The following CELF2 variants were observed in gnomAD, a reference collection of about 807,000 sequenced individuals.
CELF2 encodes the protein CUG triplet repeat RNA-binding protein 2.
Under a neutral mutation model 62.6 loss-of-function variants are expected in CELF2, and 8 were observed. The observed-to-expected ratio is 0.13, with a 90% CI of 0.07 to 0.23. The LOEUF is 0.23. CELF2 is among the 10% of genes least tolerant of loss of function. CELF2 has a pLI of 1.00. For synonymous variants in CELF2, 258 were observed against 250.0 expected (o/e 1.03, Z -0.30); for missense variants, 333 against 671.0 (o/e 0.50, Z 5.56).
chr10:11,323,382 G>T (rs1465825184), intron 11 of CELF2, among the ~76,000 whole-genome samples: 1 of 150,062 alleles, frequency 6.7e-6, no homozygotes, highest in African/African-American at 2.5e-5. Context: ...ATTAGTTTAA[G>T]TAAAACATAA....
chr10:10,731,319 A>C, the CELF2 span, among the ~76,000 whole-genome samples: 1 of 152,208 alleles, frequency 6.6e-6, no homozygotes, highest in South Asian at 2.1e-4. Flanking sequence ...CAATATAGAA[A>C]AACATGGCTT....
the CELF2 span, among the ~76,000 whole-genome samples, chr10:10,508,698 G>A: frequency 2.9e-5 from 1 of 34,674 alleles, no homozygotes; most frequent in Non-Finnish European, 6.8e-5. Flanking sequence ...GTGTGTGTGT[G>A]TGTGTGTATA....
Position 11,090,742 on chromosome 10 carries a change from C to T in CELF2, c.74+72579C>T, listed in dbSNP as rs189012442. On this transcript the variant is annotated intron_variant, in intron 1 of 12. Transcript: ENST00000633077. ...AAGGCTAATAATTACTGATTATTTTCTATTCTCTAGCACTGGGGTGGGACG... is the reference window on the plus strand; with the variant it reads ...AAGGCTAATAATTACTGATTATTTTTTATTCTCTAGCACTGGGGTGGGACG... 5.1e-4 allele frequency among the ~76,000 whole-genome samples: 78 copies of T among 152,256 alleles called. 1 individual carries two copies. Among genetic ancestry groups the T allele is most frequent in the Admixed American group, 4.4e-3 (67 of 15,296 alleles).
chr10:10,597,532 A>G, the CELF2 span, among the ~76,000 whole-genome samples: 1 of 152,220 alleles, frequency 6.6e-6, no homozygotes. Flanking sequence ...TGAAAAAAAA[A>G]TCAACTCTAA....
At chr10:11,097,118 CA>C (rs984367292) in intron 1 of CELF2, among the ~76,000 whole-genome samples, 1 of 152,126 alleles carries the variant, frequency 6.6e-6, no homozygotes, top group African/African-American at 2.4e-5. Context: ...GGGCAATTTC[CA>C]AATCTTTTTT....
chr10:11,326,735 G>T (rs544467963), intron 12 of CELF2, among the ~76,000 whole-genome samples: 2 of 152,312 alleles, frequency 1.3e-5, no homozygotes, highest in African/African-American at 4.8e-5. Context: ...AGGCCAGGAT[G>T]TTCAGAGTAT....
At position 11,054,999 on chromosome 10, in the gene CELF2, G is replaced by A. The variant is rs181023497; in HGVS notation, c.74+36836G>A. ...TGGAGTGCTGGGATTACAGGCTTGC[G>A]CCACCGCACCCGGCTTCTAGTGTAT... On this transcript the variant is annotated intron_variant, in intron 1 of 12. Transcript: ENST00000633077. 5.4e-3 allele frequency among the ~76,000 whole-genome samples: 819 copies of A among 152,316 alleles called. 4 individuals carry two copies. The highest frequency in any genetic ancestry group is 8.6e-3 in the Non-Finnish European group (583 of 68,018).
At chr10:11,310,786 A>G (rs1338892342) in intron 9 of CELF2, among the ~76,000 whole-genome samples, 8 of 152,040 alleles carry the variant, frequency 5.3e-5, no homozygotes, top group Non-Finnish European at 1.0e-4. Context: ...GCAGTTAGGC[A>G]GACTAGATTA....
chr10:10,737,664 C>A, the CELF2 span, among the ~76,000 whole-genome samples: 1 of 151,966 alleles, frequency 6.6e-6, no homozygotes, highest in African/African-American at 2.4e-5. Context: ...ATCATCTTGT[C>A]TCTTCCTCTT....
Position 11,012,281 on chromosome 10 carries a change from G to A in CELF2, c.53+6841G>A, listed in dbSNP as rs762730168. On this transcript the variant is annotated intron_variant, in intron 1 of 12. Coordinates refer to the CELF2 transcript ENST00000416382. This position sits in a 1 kb window ranked among gnomAD's most constrained non-coding sequence, Gnocchi z 5.5. The stretch of plus-strand genomic sequence containing the variant: ...GATATCTTCTGATCCTAGTGACCAC[G>A]AGCTCTTTGGGAGGGATCAGTTACC... 1.3e-5 allele frequency among the ~76,000 whole-genome samples: 2 copies of A among 152,174 alleles called. No homozygotes were observed. Among genetic ancestry groups the A allele is most frequent in the Admixed American group, 1.3e-4 (2 of 15,276 alleles).
the CELF2 span, among the ~76,000 whole-genome samples, chr10:10,471,828 T>C: frequency 2.0e-5 from 3 of 151,958 alleles, no homozygotes; most frequent in East Asian, 5.8e-4. Flanking sequence ...TCTAAATATG[T>C]TTTGATTTCA....
chr10:10,536,211 G>T, the CELF2 span, among the ~76,000 whole-genome samples: 5 of 152,038 alleles, frequency 3.3e-5, no homozygotes, highest in Admixed American at 3.3e-4. Flanking sequence ...GTAGAGATGG[G>T]GTTTCATCAT....
chr10:10,636,196 C>A, the CELF2 span, among the ~76,000 whole-genome samples: 33,359 of 152,096 alleles, frequency 0.22, 4,333 homozygotes, highest in Non-Finnish European at 0.3. Flanking sequence ...TTAAAGAATT[C>A]TCTGCATGAT....
chr10:10,656,236 G>A, the CELF2 span, among the ~76,000 whole-genome samples: 208 of 151,326 alleles, frequency 1.4e-3, 2 homozygotes, highest in Middle Eastern at 3.4e-3. Context: ...TGCTGGAGAG[G>A]ATGTGGAGAA....
intron 9 of CELF2, among the ~76,000 whole-genome samples, chr10:11,292,861 GCC>G (rs2092698878): frequency 6.6e-6 from 1 of 152,188 alleles, no homozygotes; most frequent in Non-Finnish European, 1.5e-5. Flanking sequence ...TGCCTCATCA[GCC>G]CCTCAGTTCT....
intron 1 of CELF2, among the ~76,000 whole-genome samples, chr10:10,841,701 G>A (rs1007260526): frequency 6.6e-6 from 1 of 152,088 alleles, no homozygotes; most frequent in South Asian, 2.1e-4. Context: ...TTTGGGTAGT[G>A]TGAATCCTCC....
At chr10:10,802,563 A>G (rs80141185) in intron 1 of CELF2, among the ~76,000 whole-genome samples, 34 of 150,546 alleles carry the variant, frequency 2.3e-4, no homozygotes, top group African/African-American at 8.1e-4. Context: ...GAGAAAAAAA[A>G]GTTGACAGGA....
the CELF2 span, chr10:10,776,277 A>G: frequency 6.5e-6 from 1 of 153,228 alleles, no homozygotes; most frequent in Admixed American, 6.5e-5. Flanking sequence ...AGTTTAGCAT[A>G]CTCAGGAGAG....
chr10:10,915,375 T>C (rs1435214127), intron 1 of CELF2, among the ~76,000 whole-genome samples: 1 of 152,200 alleles, frequency 6.6e-6, no homozygotes, highest in Non-Finnish European at 1.5e-5. Flanking sequence ...CAACATCTTA[T>C]ATGAGCTGTG....
Sources: allele counts gnomAD v4.1 joint callset (sites outside exome capture counted in the v4.1 genomes callset), GRCh38; gene constraint gnomAD v4.1.1; non-coding constraint Gnocchi (gnomAD v3.1); transcripts MANE v1.5; gene names NCBI Gene and HGNC (gene_info 2026-07-23, HGNC 2026-07-21).